Variants in ATRNL1 observed in about 807,000 individuals in gnomAD.
ATRNL1 encodes attractin-like protein 1.
A neutral mutation model predicts 182.7 loss-of-function variants in ATRNL1; 95 were observed. The observed-to-expected ratio is 0.52, with a 90% CI of 0.44 to 0.62. The LOEUF (loss-of-function observed/expected upper bound fraction) is 0.62. ATRNL1 is among the 20% of genes least tolerant of loss of function. The pLI is 0.00. For missense variants in ATRNL1, 1,471 were observed against 1,679.5 expected (o/e 0.88, Z 2.17); for synonymous variants, 576 against 568.3 (o/e 1.01, Z -0.19).
At chr10:115,926,280 G>A (rs1167993725) in intron 28 of ATRNL1, among the ~76,000 whole-genome samples, 2 of 150,164 alleles carry the variant, frequency 1.3e-5, no homozygotes, top group Non-Finnish European at 3.0e-5. Context: ...GAAATTCATA[G>A]CACTAAATGC....
chr10:115,488,371 C>A (rs537304194), intron 24 of ATRNL1, among the ~76,000 whole-genome samples: 2 of 151,836 alleles, frequency 1.3e-5, no homozygotes, highest in Non-Finnish European at 2.9e-5. Context: ...TTGGTTGGTA[C>A]GCTATTAATC....
intron 28 of ATRNL1, among the ~76,000 whole-genome samples, chr10:115,900,891 AAAAT>A (rs1240479455): frequency 6.6e-6 from 1 of 152,370 alleles, no homozygotes; most frequent in Non-Finnish European, 1.5e-5. Flanking sequence ...CGGAAGAAGA[AAAAT>A]AAATGATCAG....
chr10:115,626,685 A>G (rs1219651188), intron 26 of ATRNL1, among the ~76,000 whole-genome samples: 2 of 152,218 alleles, frequency 1.3e-5, no homozygotes, highest in Non-Finnish European at 2.9e-5. Context: ...CACAGACTAC[A>G]TTAGGTTAGA....
intron 26 of ATRNL1, among the ~76,000 whole-genome samples, chr10:115,722,865 A>G (rs1480487351): frequency 6.6e-6 from 1 of 152,176 alleles, no homozygotes; most frequent in East Asian, 1.9e-4. Context: ...ATTCTAAAAA[A>G]ATAAATGTCT....
chr10:115,651,483 T>C (rs868936397), intron 26 of ATRNL1, among the ~76,000 whole-genome samples: 1 of 152,204 alleles, frequency 6.6e-6, no homozygotes, highest in Non-Finnish European at 1.5e-5. Flanking sequence ...GCTTTCAAGA[T>C]TTTCTCCTTT....
intron 8 of ATRNL1, among the ~76,000 whole-genome samples, chr10:115,172,076 A>G (rs1847317198): frequency 6.6e-6 from 1 of 151,970 alleles, no homozygotes; most frequent in Admixed American, 6.6e-5. Context: ...TTAATGAGAA[A>G]ACTCATTTGC....
intron 25 of ATRNL1, among the ~76,000 whole-genome samples, chr10:115,520,769 A>G (rs1592777800): frequency 6.6e-6 from 1 of 152,194 alleles, no homozygotes; most frequent in Non-Finnish European, 1.5e-5. Context: ...TCAGATTTGT[A>G]AAGTATTTTC....
At chr10:115,609,474 C>T (rs1857041541) in intron 26 of ATRNL1, among the ~76,000 whole-genome samples, 1 of 152,136 alleles carries the variant, frequency 6.6e-6, no homozygotes, top group Admixed American at 6.6e-5. Flanking sequence ...GAGTTAAAAA[C>T]TATTAAATAA....
chr10:115,231,872 T>C (rs1293924284), intron 9 of ATRNL1, among the ~76,000 whole-genome samples: 1 of 151,996 alleles, frequency 6.6e-6, no homozygotes, highest in African/African-American at 2.4e-5. Flanking sequence ...TAGTGGAAGA[T>C]TGAGGTTTGA....
intron 27 of ATRNL1, among the ~76,000 whole-genome samples, chr10:115,740,692 G>A (rs755451740): frequency 3.9e-5 from 6 of 152,042 alleles, no homozygotes; most frequent in Non-Finnish European, 4.4e-5. Context: ...TTTTAGTAGA[G>A]ATGGTGATTC....
At chr10:115,105,282 T>G (rs142705288) in intron 1 of ATRNL1, among the ~76,000 whole-genome samples, 131 of 152,262 alleles carry the variant, frequency 8.6e-4, no homozygotes, top group African/African-American at 3.0e-3. Context: ...AGCGAGATGA[T>G]TTAAGGTATC....
At chr10:115,374,202 ACTT>A (rs1196595172) in intron 19 of ATRNL1, among the ~76,000 whole-genome samples, 2 of 151,642 alleles carry the variant, frequency 1.3e-5, no homozygotes, top group African/African-American at 4.8e-5. Flanking sequence ...TAGTTGTAAC[ACTT>A]CTTTAATTTT....
chr10:115,140,220 G>A (rs1447356407), intron 5 of ATRNL1, among the ~76,000 whole-genome samples: 1 of 152,146 alleles, frequency 6.6e-6, no homozygotes, highest in African/African-American at 2.4e-5. Flanking sequence ...ATATGAAATA[G>A]GGAATTTAAC....
intron 28 of ATRNL1, among the ~76,000 whole-genome samples, chr10:115,887,220 G>A (rs1291235810): frequency 3.3e-5 from 5 of 152,158 alleles, no homozygotes. Flanking sequence ...CTGTCTCTCT[G>A]ACACTTCCTC....
intron 19 of ATRNL1, among the ~76,000 whole-genome samples, chr10:115,349,491 G>A (rs1400819887): frequency 6.6e-6 from 1 of 152,072 alleles, no homozygotes; most frequent in Non-Finnish European, 1.5e-5. Flanking sequence ...AGAATTTCTG[G>A]ATCATACGTA....
At chr10:115,741,693 CAAATATTA>C (rs1948144226) in intron 27 of ATRNL1, among the ~76,000 whole-genome samples, 1 of 152,070 alleles carries the variant, frequency 6.6e-6, no homozygotes, top group South Asian at 2.1e-4. Context: ...TGTTAAGGTG[CAAATATTA>C]CTGAAAACTT....
chr10:115,142,781 T>C (rs1845804363), intron 5 of ATRNL1, among the ~76,000 whole-genome samples: 1 of 152,112 alleles, frequency 6.6e-6, no homozygotes, highest in South Asian at 2.1e-4. Flanking sequence ...TGACAATGGC[T>C]TGAATACTGA....
chr10:115,657,516 T>C (rs1289621616), intron 26 of ATRNL1, among the ~76,000 whole-genome samples: 3 of 152,158 alleles, frequency 2.0e-5, no homozygotes, highest in African/African-American at 7.2e-5. Flanking sequence ...TACTTAGTAT[T>C]TACATAAAAA....
At chr10:115,711,001 T>C (rs1947046632) in intron 26 of ATRNL1, among the ~76,000 whole-genome samples, 1 of 152,098 alleles carries the variant, frequency 6.6e-6, no homozygotes, top group African/African-American at 2.4e-5. Context: ...TCTTTTGAAG[T>C]TGACAGAAAA....
Sources: gnomAD v4.1 joint callset for allele counts (sites outside exome capture counted in the v4.1 genomes callset) on GRCh38, gnomAD v4.1.1 for gene constraint, MANE v1.5 for transcripts, NCBI Gene and HGNC (gene_info 2026-07-23, HGNC 2026-07-21) for gene names.